ZNF221: variants seen among roughly 807,000 people sequenced by gnomAD.
The protein encoded by ZNF221 is zinc finger protein 221.
ZNF221 carries 10 observed loss-of-function variants against 12.6 expected under a neutral mutation model. That is an observed-to-expected ratio of 0.79 (90% confidence interval 0.49 to 1.34). ZNF221 has a LOEUF of 1.34. ZNF221 is among the 40% of genes most tolerant of loss of function. The pLI, the probability that ZNF221 is intolerant of heterozygous loss-of-function variation, is 0.00. For synonymous variants in ZNF221, 232 were observed against 244.0 expected (o/e 0.95, Z 0.46); for missense variants, 661 against 721.4 (o/e 0.92, Z 0.96).
intron 2 of ZNF221, among the ~76,000 whole-genome samples, chr19:43,963,492 T>C (rs1317241024): frequency 6.6e-6 from 1 of 152,228 alleles, no homozygotes; most frequent in Non-Finnish European, 1.5e-5. Context: ...CTAGATTCTG[T>C]GTTTGCCATG....
downstream of ZNF221, among the ~76,000 whole-genome samples, chr19:43,971,024 A>G (rs116556133): frequency 5.5e-3 from 844 of 152,336 alleles, 12 homozygotes; most frequent in African/African-American, 0.019. Flanking sequence ...ATGAAAGGTC[A>G]GGTCCCCTAC....
At chr19:43,963,366 C>T (rs1974881176) in intron 2 of ZNF221, among the ~76,000 whole-genome samples, 1 of 152,148 alleles carries the variant, frequency 6.6e-6, no homozygotes, top group Non-Finnish European at 1.5e-5. Context: ...ATACTTTTGA[C>T]ATGTATTACA....
downstream of ZNF221, chr19:43,967,806 G>A (rs376769): frequency 0.97 from 164,822 of 169,788 alleles, 80,189 homozygotes; most frequent in Middle Eastern, 1. Flanking sequence ...ACCAAGAAAA[G>A]AGTCCACAGT....
intron 1 of ZNF221, among the ~76,000 whole-genome samples, chr19:43,960,986 GGACCACTGCCCTCTGAGAAGTGGTCCTGA>G (rs1489431599): frequency 6.6e-6 from 1 of 152,156 alleles, no homozygotes; most frequent in East Asian, 1.9e-4. Context: ...TGTGGTAAGG[GGACCACTGCCCTCTGAGAAGTGGTCCTGA>G]GACCACTGCT....
At chr19:43,979,127 G>A in the ZNF221 span, among the ~76,000 whole-genome samples, 2 of 151,886 alleles carry the variant, frequency 1.3e-5, no homozygotes, top group Non-Finnish European at 2.9e-5. Flanking sequence ...GAATATTTTG[G>A]TAAGGATGGT....
chr19:43,954,351 A>G (rs896575758), intron 1 of ZNF221, among the ~76,000 whole-genome samples: 12 of 152,150 alleles, frequency 7.9e-5, no homozygotes, highest in Admixed American at 6.5e-5. Flanking sequence ...TTCATAACTC[A>G]TTTATTCATT....
At position 43,966,467 on chromosome 19, in the gene ZNF221, G is replaced by A. The variant is rs377609364; in HGVS notation, c.965G>A (p.Arg322Lys). Residue 322 changes from arginine to lysine, a missense_variant, in exon 5 of 5, where the codon AGA becomes AAA. Transcript: ENST00000587682. Reference protein sequence around the residue: ...CDICGKSFRVRSRLNRHSMVH... With the variant: ...CDICGKSFRVKSRLNRHSMVH... Reference sequence around the variant, plus strand: ...ATATGTGGTAAGAGCTTCCGTGTTAGATCAAGACTTAATAGGCATTCCATG... The same window carrying A: ...ATATGTGGTAAGAGCTTCCGTGTTAAATCAAGACTTAATAGGCATTCCATG... The A allele has an allele frequency of 1.5e-5, 24 of 1,614,054 alleles. No individual in the cohort carries two copies. The African/African-American group carries it at 2.0e-4, about 13-fold the overall frequency.
chr19:43,970,413 C>T (rs1975072762), downstream of ZNF221, among the ~76,000 whole-genome samples: 1 of 152,136 alleles, frequency 6.6e-6, no homozygotes, highest in Non-Finnish European at 1.5e-5. Flanking sequence ...TGGGCTGAGG[C>T]TGAGATGGCT....
chr19:43,953,335 A>G (rs1974705074), intron 1 of ZNF221, among the ~76,000 whole-genome samples: 1 of 151,976 alleles, frequency 6.6e-6, no homozygotes, highest in Non-Finnish European at 1.5e-5. Context: ...TGCATAGGGC[A>G]AGGCATGTGG....
At chr19:43,957,219 C>T (rs1275799518) in intron 1 of ZNF221, among the ~76,000 whole-genome samples, 2 of 152,242 alleles carry the variant, frequency 1.3e-5, no homozygotes, top group African/African-American at 2.4e-5. Context: ...CCTGCTCTGT[C>T]GCCCAGGCTG....
chr19:43,960,626 C>A (rs1974827844), intron 1 of ZNF221, among the ~76,000 whole-genome samples: 1 of 152,194 alleles, frequency 6.6e-6, no homozygotes. Flanking sequence ...CCAGGGACCC[C>A]CTGCCCTGAG....
At chr19:43,977,689 A>G in the ZNF221 span, among the ~76,000 whole-genome samples, 1 of 152,212 alleles carries the variant, frequency 6.6e-6, no homozygotes, top group Admixed American at 6.5e-5. Flanking sequence ...TTGGGTGCTA[A>G]TTCATAGTTA....
downstream of ZNF221, among the ~76,000 whole-genome samples, chr19:43,972,324 G>C (rs1975113944): frequency 6.6e-6 from 1 of 152,054 alleles, no homozygotes; most frequent in South Asian, 2.1e-4. Flanking sequence ...ACATCAAAAA[G>C]CTAGAAAGAT....
At position 43,966,778 on chromosome 19, in the gene ZNF221, G is replaced by T. The variant is rs1357268929; in HGVS notation, c.1276G>T (p.Glu426Ter). Residue 426 changes from glutamate to a stop codon, truncating the protein, a stop_gained, in exon 5 of 5, where the codon GAA (glutamate) becomes TAA (stop). Transcript: ENST00000587682. LOFTEE classifies it low-confidence loss of function (END_TRUNC). Reference sequence around the variant, plus strand: ...TGGACAAAAATCCTTCAAATGTGAAGAATGTGGGAAGGGATTTTATACAAA... The same window carrying T: ...TGGACAAAAATCCTTCAAATGTGAATAATGTGGGAAGGGATTTTATACAAA... ...HSGQKSFKCE[E>*]CGKGFYTNSR... The T allele has an allele frequency of 4.3e-6, 7 of 1,614,232 alleles. No individual in the cohort carries two copies. In the South Asian group the frequency reaches 7.7e-5, roughly 18 times the overall value.
intron 3 of ZNF221, 43 bp downstream of exon 3, chr19:43,965,119 A>G: frequency 2.5e-6 from 4 of 1,608,178 alleles, no homozygotes; most frequent in Non-Finnish European, 1.7e-6. Context: ...AGGCCCCAGG[A>G]ATGGCTTTGT....
At chr19:43,970,963 A>T (rs747175167), downstream of ZNF221, among the ~76,000 whole-genome samples, 2 of 152,188 alleles carry the variant, frequency 1.3e-5, no homozygotes, top group Non-Finnish European at 2.9e-5. Flanking sequence ...ACACATAATC[A>T]TCAGATTCTC....
intron 2 of ZNF221, 93 bp downstream of exon 2, chr19:43,962,900 A>C: frequency 8.1e-7 from 1 of 1,236,326 alleles, no homozygotes; most frequent in Non-Finnish European, 1.1e-6. Flanking sequence ...CAAGGAGAAC[A>C]ACAAGCATTT....
chr19:43,970,124 G>A (rs73050193), downstream of ZNF221, among the ~76,000 whole-genome samples: 16,892 of 152,136 alleles, frequency 0.11, 997 homozygotes, highest in East Asian at 0.14. Flanking sequence ...CGGGAAAAAC[G>A]GAGGCAACTA....
At chr19:43,974,320 A>G in the ZNF221 span, among the ~76,000 whole-genome samples, 1 of 152,248 alleles carries the variant, frequency 6.6e-6, no homozygotes, top group Non-Finnish European at 1.5e-5. Flanking sequence ...GATACCATCC[A>G]GGACATAGGG....
Sources: gnomAD v4.1 joint callset for allele counts (sites outside exome capture counted in the v4.1 genomes callset) on GRCh38, gnomAD v4.1.1 for gene constraint, MANE v1.5 for transcripts, NCBI Gene and HGNC (gene_info 2026-07-23, HGNC 2026-07-21) for gene names.